Variants in ACACB observed in about 807,000 individuals in gnomAD.
ACACB encodes acetyl-CoA carboxylase beta.
ACACB carries 209 observed loss-of-function variants against 278.8 expected under a neutral mutation model. That is an observed-to-expected ratio of 0.75 (90% CI 0.67 to 0.84). The LOEUF is 0.84. ACACB is among the 40% of genes least tolerant of loss of function. The pLI is 0.00. For synonymous variants in ACACB, 1,174 were observed against 1,285.6 expected (o/e 0.91, Z 1.86); for missense variants, 2,850 against 3,269.0 (o/e 0.87, Z 3.13).
chr12:109,198,255 G>A (rs1416805729), intron 17 of ACACB, among the ~76,000 whole-genome samples: 1 of 151,988 alleles, frequency 6.6e-6, no homozygotes, highest in Non-Finnish European at 1.5e-5. Flanking sequence ...ATTACTATAG[G>A]TTCTACTCTC....
intron 1 of ACACB, among the ~76,000 whole-genome samples, chr12:109,128,668 T>C (rs2042744595): frequency 6.6e-6 from 1 of 152,060 alleles, no homozygotes; most frequent in South Asian, 2.1e-4. Flanking sequence ...TAAAAGTTTT[T>C]CTTTATTTGG....
chr12:109,115,234 C>T (rs1394958799), upstream of ACACB, among the ~76,000 whole-genome samples: 2 of 152,188 alleles, frequency 1.3e-5, no homozygotes, highest in East Asian at 3.8e-4. Flanking sequence ...CACTGAAGCT[C>T]AGCCATTTGC....
chr12:109,233,727 C>T (rs2046545919), intron 29 of ACACB, 21 bp from the exon 30 acceptor site: 1 of 1,608,784 alleles, frequency 6.2e-7, no homozygotes, highest in African/African-American at 1.3e-5. Context: ...CTCAGCCCTC[C>T]CTCTCTACCC....
At chr12:109,222,933 TCAC>T (rs1393125025) in intron 26 of ACACB, 21 bp downstream of exon 26, 10 of 1,565,850 alleles carry the variant, frequency 6.4e-6, no homozygotes, top group African/African-American at 1.4e-5. Context: ...CTCCTTCCTT[TCAC>T]CATCTGCAGA....
At chr12:109,238,781 T>G (rs186289183) in intron 34 of ACACB, among the ~76,000 whole-genome samples, 1,991 of 151,902 alleles carry the variant, frequency 0.013, 53 homozygotes, top group African/African-American at 0.046. Context: ...GTCAGGCTGG[T>G]CTGAAACTGC....
intron 22 of ACACB, among the ~76,000 whole-genome samples, chr12:109,214,196 A>G (rs1428176163): frequency 6.6e-6 from 1 of 152,000 alleles, no homozygotes; most frequent in African/African-American, 2.4e-5. Context: ...CAGGAGTTCG[A>G]GGTTATAGTG....
In ACACB at chr12:109,167,967, GT is replaced by G. The variant is rs761581589; in HGVS notation, c.860del (p.Phe287SerfsTer11). ...RSIRRWAYEM[F>X]RNERAIRFVV... ...CCATCCGCAGGTGGGCCTATGAGAT[GT>G]TCCGCAACGAGCGGGCCATCCGGTT... On this transcript the variant is annotated frameshift_variant, in exon 4 of 53. Transcript: ENST00000338432. LOFTEE classifies it high-confidence loss of function. The G allele has an allele frequency of 1.2e-6, 2 of 1,614,020 alleles. No homozygotes were observed.
intron 4 of ACACB, 34 bp from the exon 5 acceptor site, chr12:109,171,771 C>T: frequency 6.6e-7 from 1 of 1,513,734 alleles, no homozygotes; most frequent in Non-Finnish European, 9.2e-7. Flanking sequence ...AGTCTGTCAG[C>T]AGTTCCTTCC....
intron 37 of ACACB, among the ~76,000 whole-genome samples, chr12:109,244,301 CT>C (rs1451644898): frequency 6.6e-6 from 1 of 152,154 alleles, no homozygotes; most frequent in Non-Finnish European, 1.5e-5. Flanking sequence ...TAACTCGGGC[CT>C]CAGCTCGAAT....
chr12:109,189,272 A>G (rs1414116867), intron 13 of ACACB, among the ~76,000 whole-genome samples: 1 of 152,220 alleles, frequency 6.6e-6, no homozygotes, highest in Non-Finnish European at 1.5e-5. Context: ...GGCAGTTTTG[A>G]TGATCAGGTT....
chr12:109,200,954 G>A (rs183664958), intron 18 of ACACB, among the ~76,000 whole-genome samples: 25 of 152,120 alleles, frequency 1.6e-4, no homozygotes, highest in African/African-American at 5.6e-4. Flanking sequence ...AGAGGTATTG[G>A]TGGGGGCAGT....
chr12:109,119,396 C>T (rs537951906), intron 1 of ACACB, among the ~76,000 whole-genome samples: 1 of 151,696 alleles, frequency 6.6e-6, no homozygotes, highest in South Asian at 2.1e-4. Context: ...TTGAGACCAA[C>T]CTGGCCAACA....
At chr12:109,161,046 A>AG in intron 2 of ACACB, among the ~76,000 whole-genome samples, 1 of 152,286 alleles carries the variant, frequency 6.6e-6, no homozygotes, top group East Asian at 1.9e-4. Flanking sequence ...GGACAGAATG[A>AG]GGGGTGCGGC....
At chr12:109,190,606 C>T (rs770345202) in intron 13 of ACACB, among the ~76,000 whole-genome samples, 7 of 140,484 alleles carry the variant, frequency 5.0e-5, no homozygotes, top group African/African-American at 1.1e-4. Context: ...GAGACAGAGG[C>T]GGTGACCGAT....
intron 48 of ACACB, among the ~76,000 whole-genome samples, chr12:109,261,073 G>A (rs2047364346): frequency 6.6e-6 from 1 of 152,162 alleles, no homozygotes; most frequent in African/African-American, 2.4e-5. Context: ...GGTTCTTCGC[G>A]GGAGAGGTAA....
Position 109,266,461 on chromosome 12 carries a change from C to A in ACACB, c.*99C>A. ...CAGACCCTGAAGACTTGCTTTTAAACAAAGAAAATCCTGGGCACTTCTGCA... is the reference window on the plus strand; with the variant it reads ...CAGACCCTGAAGACTTGCTTTTAAAAAAAGAAAATCCTGGGCACTTCTGCA... On this transcript the variant is annotated 3_prime_UTR_variant, in exon 53 of 53. Transcript: ENST00000338432. 7.2e-7 allele frequency: 1 copy of A among 1,394,848 alleles called. No homozygotes were observed. Among genetic ancestry groups the A allele is most frequent in the Non-Finnish European group, 9.4e-7 (1 of 1,064,278 alleles). 86.4% of individuals were successfully genotyped at this position (1,394,848 alleles called of 1,614,324 possible). A position where few individuals can be genotyped will look rare whatever the true frequency, so the allele number is the denominator to read the frequency against.
chr12:109,209,893 A>G (rs61934317), intron 21 of ACACB, among the ~76,000 whole-genome samples: 4,224 of 83,028 alleles, frequency 0.051, 348 homozygotes, highest in Non-Finnish European at 0.081. Context: ...GTATATATGT[A>G]TATACACACA....
chr12:109,242,533 T>C lies in ACACB; in HGVS notation c.5119T>C (p.Phe1707Leu). 6.2e-7 allele frequency: 1 copy of C among 1,614,150 alleles called. No individual in the cohort carries two copies. Among genetic ancestry groups the C allele is most frequent in the East Asian group, 2.2e-5 (1 of 44,876 alleles). ...CAAGGATCTGCTCCAGGCCAAGCGATTCCAGGCCCAGACCCTGGGAACCAC... is the reference window on the plus strand; with the variant it reads ...CAAGGATCTGCTCCAGGCCAAGCGACTCCAGGCCCAGACCCTGGGAACCAC... ...VTKDLLQAKR[F>L]QAQTLGTTYI... Residue 1707 changes from phenylalanine (F) to leucine (L), a missense_variant, in exon 37 of 53, where the codon TTC (phenylalanine) becomes CTC (leucine). Phe to Leu is a conservative substitution (Grantham distance 22). Around this residue, in one of 3 missense-constraint regions of ACACB, gnomAD observed 2,265 missense variants for 2,561.3 expected, o/e 0.88. Coordinates refer to ENST00000338432, the MANE Select transcript of ACACB (RefSeq NM_001093.4).
At chr12:109,239,165 C>T (rs1048410141) in intron 34 of ACACB, among the ~76,000 whole-genome samples, 2 of 152,118 alleles carry the variant, frequency 1.3e-5, no homozygotes, top group African/African-American at 2.4e-5. Context: ...CCACCCATCT[C>T]GGCCTCCCAA....
Sources: allele counts gnomAD v4.1 joint callset (sites outside exome capture counted in the v4.1 genomes callset), GRCh38; gene constraint gnomAD v4.1.1; regional missense constraint gnomAD v4.1.1; transcripts MANE v1.5; gene names NCBI Gene and HGNC (gene_info 2026-07-23, HGNC 2026-07-21).